The following TMTC1 variants were observed in gnomAD, a reference collection of about 807,000 sequenced individuals.
The protein encoded by TMTC1 is transmembrane O-mannosyltransferase targeting cadherins 1.
TMTC1 carries 73 observed loss-of-function variants against 104.8 expected under a neutral mutation model. That is an observed-to-expected ratio of 0.70 (90% confidence interval 0.58 to 0.85). The LOEUF is 0.85. TMTC1 is among the 40% of genes least tolerant of loss of function. The pLI is 0.00. For missense variants in TMTC1, 1,035 were observed against 1,096.1 expected (o/e 0.94, Z 0.79); for synonymous variants, 434 against 428.7 (o/e 1.01, Z -0.15).
chr12:29,571,826 C>T (rs371033302), intron 9 of TMTC1, among the ~76,000 whole-genome samples: 26 of 152,178 alleles, frequency 1.7e-4, no homozygotes, highest in East Asian at 5.8e-4. Flanking sequence ...CTTGTTTGCA[C>T]GTATATATTG....
intron 17 of TMTC1, among the ~76,000 whole-genome samples, chr12:29,508,945 T>C (rs143492597): frequency 1.0e-3 from 152 of 152,206 alleles, no homozygotes; most frequent in Middle Eastern, 3.4e-3. Context: ...AGATGCTAGG[T>C]AAAAAAATCT....
At chr12:29,572,723 G>C (rs192391481) in intron 8 of TMTC1, among the ~76,000 whole-genome samples, 1 of 152,288 alleles carries the variant, frequency 6.6e-6, no homozygotes, top group African/African-American at 2.4e-5. Flanking sequence ...GCCCTGCCGA[G>C]GCTAATTACA....
At chr12:29,644,104 AAT>A (rs1177440941) in intron 5 of TMTC1, among the ~76,000 whole-genome samples, 1,719 of 59,580 alleles carry the variant, frequency 0.029, 160 homozygotes, top group African/African-American at 0.094. Context: ...TAAATATATA[AAT>A]ATATATGTGT....
chr12:29,629,853 T>C (rs375704812), intron 6 of TMTC1, among the ~76,000 whole-genome samples: 2 of 152,232 alleles, frequency 1.3e-5, no homozygotes, highest in Admixed American at 6.5e-5. Flanking sequence ...AAAAAGATGT[T>C]TTAATCATTC....
chr12:29,551,244 G>T (rs915721808), intron 10 of TMTC1, among the ~76,000 whole-genome samples: 1 of 152,088 alleles, frequency 6.6e-6, no homozygotes, highest in Non-Finnish European at 1.5e-5. Context: ...TCAGTTAAAA[G>T]GTAGAGAAAA....
At chr12:29,522,719 T>C (rs1222802431) in intron 11 of TMTC1, among the ~76,000 whole-genome samples, 3 of 152,178 alleles carry the variant, frequency 2.0e-5, no homozygotes, top group Admixed American at 6.5e-5. Context: ...AAGTATGACA[T>C]AGTGGTTAAG....
Position 29,755,713 on chromosome 12 carries a change from T to G in TMTC1, c.727A>C (p.Lys243Gln), listed in dbSNP as rs749667706. Residue 243 changes from lysine to glutamine, a missense_variant, in exon 4 of 18, where the codon AAG becomes CAG. Lys to Gln is a moderately conservative substitution (Grantham distance 53). Transcript: ENST00000539277. ...DLFSLSNKQD[K>Q]SSNGALCPRS... The stretch of plus-strand genomic sequence containing the variant: ...CAAAACTGTAAAATGACTTACGACT[T>G]GTCTTGCTTGTTGGAAAGGGAAAAG... 6.2e-7 allele frequency: 1 copy of G among 1,612,712 alleles called. No individual in the cohort carries two copies. The highest frequency in any genetic ancestry group is 2.2e-5 in the East Asian group (1 of 44,868).
intron 5 of TMTC1, among the ~76,000 whole-genome samples, chr12:29,715,997 T>G (rs868219932): frequency 7.3e-6 from 1 of 137,868 alleles, no homozygotes; most frequent in East Asian, 2.0e-4. Context: ...GTATTATTAT[T>G]ATTATTATTA....
At chr12:29,610,030 G>C (rs1946803014) in intron 6 of TMTC1, 1 of 152,380 alleles carries the variant, frequency 6.6e-6, no homozygotes, top group African/African-American at 2.4e-5. Context: ...CATCTGGTAG[G>C]TGTCACTATT....
At chr12:29,730,200 A>C (rs1280912520) in intron 5 of TMTC1, among the ~76,000 whole-genome samples, 2 of 152,232 alleles carry the variant, frequency 1.3e-5, no homozygotes, top group Admixed American at 1.3e-4. Context: ...AGATTTAAAA[A>C]ATAAACACAG....
chr12:29,760,747 ATG>A (rs1426418453), intron 2 of TMTC1, among the ~76,000 whole-genome samples: 2 of 151,510 alleles, frequency 1.3e-5, no homozygotes, highest in African/African-American at 4.8e-5. Flanking sequence ...TATAAATTTT[ATG>A]TGTAGCAATA....
intron 5 of TMTC1, among the ~76,000 whole-genome samples, chr12:29,739,077 A>G (rs569428461): frequency 6.6e-6 from 1 of 152,286 alleles, no homozygotes; most frequent in African/African-American, 2.4e-5. Context: ...TCACACTTAA[A>G]TCATATGTTG....
At chr12:29,545,631 A>ACT (rs528035983) in intron 10 of TMTC1, among the ~76,000 whole-genome samples, 14,233 of 65,154 alleles carry the variant, frequency 0.22, 1,389 homozygotes, top group East Asian at 0.49. Context: ...AGACTCTGTC[A>ACT]CACACACACA....
rs1943899191 is a variant in TMTC1, at chr12:29,783,870, A to C, written c.-119T>G. ...GGGGGCTCGGGCATGGTGCTGCGGCAGCTGGACCCGCCGCGAGCTCCCCGC... is the reference window on the plus strand; with the variant it reads ...GGGGGCTCGGGCATGGTGCTGCGGCCGCTGGACCCGCCGCGAGCTCCCCGC... On this transcript the variant is annotated 5_prime_UTR_variant, in exon 1 of 18. Coordinates refer to ENST00000539277, the MANE Select transcript of TMTC1 (RefSeq NM_001193451.2). This position sits in a 1 kb window ranked among gnomAD's most constrained non-coding sequence, Gnocchi z 4.7. 1.0e-6 allele frequency: 1 copy of C among 967,510 alleles called. No individual in the cohort carries two copies. The highest frequency in any genetic ancestry group is 4.9e-5 in the South Asian group (1 of 20,380). 59.9% of individuals were successfully genotyped at this position (967,510 alleles called of 1,614,324 possible). A position where few individuals can be genotyped will look rare whatever the true frequency, so the allele number is the denominator to read the frequency against.
rs145326762 is a variant in TMTC1 at position 29,631,580 on chromosome 12, T to C, written c.1128+1567A>G. ...TTTAGCCCTGAATTCTCAATTCTAT[T>C]CCATTTCCTATTGACACTTTTTAAA... On this transcript the variant is annotated intron_variant, in intron 6 of 17. Transcript: ENST00000539277. 5.3e-4 allele frequency among the ~76,000 whole-genome samples: 81 copies of C among 152,336 alleles called. 2 individuals carry two copies. The highest frequency in any genetic ancestry group is 1.8e-3 in the African/African-American group (76 of 41,572).
rs1440678559 is a variant in TMTC1, at chr12:29,517,053, T to C, written c.2169+374A>G. On this transcript the variant is annotated intron_variant, in intron 14 of 17. Transcript: ENST00000539277. ...GGAAAAAAATAACACACACTAATAATAGGTATATACAAACATACATATCTA... is the reference window on the plus strand; with the variant it reads ...GGAAAAAAATAACACACACTAATAACAGGTATATACAAACATACATATCTA... Among the ~76,000 whole-genome samples, 5 of 152,266 alleles carry C rather than the reference T, an allele frequency of 3.3e-5. 1 individual carries two copies. In the South Asian group the frequency reaches 1.0e-3, roughly 32 times the overall value.
chr12:29,687,577 T>C (rs1941134012), intron 5 of TMTC1, among the ~76,000 whole-genome samples: 1 of 152,232 alleles, frequency 6.6e-6, no homozygotes, highest in Non-Finnish European at 1.5e-5. Context: ...TCTGTAGTAC[T>C]GTTGCAGTGT....
At chr12:29,767,812 G>GTA (rs35316467) in intron 2 of TMTC1, 86 bp downstream of exon 2, 442,403 of 1,145,558 alleles carry the variant, frequency 0.39, 88,785 homozygotes, top group Admixed American at 0.57. Context: ...ATATTTACAT[G>GTA]TATATATATG....
intron 5 of TMTC1, among the ~76,000 whole-genome samples, chr12:29,725,181 C>T (rs1942353497): frequency 6.8e-6 from 1 of 147,568 alleles, no homozygotes; most frequent in African/African-American, 2.6e-5. Context: ...CCATGTCTGG[C>T]TAATTTTTGT....
Sources: gnomAD v4.1 joint callset for allele counts (sites outside exome capture counted in the v4.1 genomes callset) on GRCh38, gnomAD v4.1.1 for gene constraint, Gnocchi (gnomAD v3.1) non-coding constraint, MANE v1.5 for transcripts, NCBI Gene and HGNC (gene_info 2026-07-23, HGNC 2026-07-21) for gene names.